Variants in TPO observed in about 807,000 individuals in gnomAD.
TPO encodes thyroid peroxidase.
Under a neutral mutation model 96.9 loss-of-function variants are expected in TPO, and 78 were observed. That is an observed-to-expected ratio of 0.81 (90% CI 0.67 to 0.97). The LOEUF is 0.97. TPO is among the 50% of genes least tolerant of loss of function. The pLI, the probability that TPO is intolerant of heterozygous loss-of-function variation, is 0.00. For missense variants in TPO, 1,252 were observed against 1,274.8 expected, an observed-to-expected ratio of 0.98 and a Z score of 0.27; for synonymous variants, 547 against 538.0, an observed-to-expected ratio of 1.02 and a Z score of -0.23.
intron 1 of TPO, among the ~76,000 whole-genome samples, chr2:1,375,578 G>A (rs369230573): frequency 5.3e-5 from 8 of 152,038 alleles, no homozygotes; most frequent in East Asian, 3.9e-4. Context: ...GTGAATCCAC[G>A]TTTTACACAC....
chr2:1,533,361 C>A (rs10166153), intron 15 of TPO, among the ~76,000 whole-genome samples: 16,543 of 116,044 alleles, frequency 0.14, 874 homozygotes, highest in African/African-American at 0.16. Flanking sequence ...TCCCAAATCC[C>A]CCCACTGTGT....
chr2:1,481,075 A>C (rs1293572940), intron 8 of TPO, among the ~76,000 whole-genome samples: 1 of 151,872 alleles, frequency 6.6e-6, no homozygotes, highest in Non-Finnish European at 1.5e-5. Flanking sequence ...GGGCTGATAA[A>C]GTTGCTCTTG....
intron 7 of TPO, among the ~76,000 whole-genome samples, chr2:1,460,112 T>C (rs1057444142): frequency 2.0e-5 from 3 of 152,082 alleles, no homozygotes; most frequent in African/African-American, 7.2e-5. Context: ...ATTTTTCTAT[T>C]TTTAATAGAG....
At chr2:1,474,002 CTTATT>C (rs1049652967) in intron 7 of TPO, among the ~76,000 whole-genome samples, 24 of 152,048 alleles carry the variant, frequency 1.6e-4, no homozygotes, top group African/African-American at 5.6e-4. Flanking sequence ...TTTACCAGCT[CTTATT>C]TTATTTTCTA....
At chr2:1,409,588 G>A (rs192497336), upstream of TPO, among the ~76,000 whole-genome samples, 25 of 152,198 alleles carry the variant, frequency 1.6e-4, no homozygotes, top group African/African-American at 4.8e-4. Context: ...GGGAGTGGAC[G>A]TGGATCCAAT....
chr2:1,382,960 G>C (rs1164508185), intron 1 of TPO, among the ~76,000 whole-genome samples: 1 of 144,232 alleles, frequency 6.9e-6, no homozygotes, highest in Non-Finnish European at 1.5e-5. Flanking sequence ...CCACCTATGA[G>C]TGAGAACATA....
chr2:1,418,886 T>C (rs1289103118), intron 2 of TPO, among the ~76,000 whole-genome samples: 2 of 152,170 alleles, frequency 1.3e-5, no homozygotes, highest in African/African-American at 4.8e-5. Context: ...ACAGCAAGGA[T>C]TAAAGTAAGA....
intron 8 of TPO, chr2:1,478,390 C>T (rs1428908327): frequency 1.0e-6 from 1 of 985,016 alleles, no homozygotes; most frequent in Admixed American, 6.2e-5. Context: ...GCAGTCCTAG[C>T]CGGGAGCCTG....
intron 8 of TPO, among the ~76,000 whole-genome samples, chr2:1,478,854 C>T (rs1264631242): frequency 6.6e-6 from 1 of 151,310 alleles, no homozygotes; most frequent in African/African-American, 2.5e-5. Context: ...CGCATCCACA[C>T]AGCAAACACA....
chr2:1,525,303 TC>T (rs201551954), intron 15 of TPO, among the ~76,000 whole-genome samples: 37,555 of 103,472 alleles, frequency 0.36, 6,955 homozygotes, highest in South Asian at 0.42. Context: ...CCTCCTCAAA[TC>T]CCCCCCACTG....
rs1420552673 is a variant in TPO, at chr2:1,532,179, TGC to T, written c.2619-8412_2619-8411del. Reference sequence around the variant, plus strand: ...CAACCTACACAAATGCCCCCCACAGTGCGCAACCTCCTCAAATCCCCCACCAC... The same window carrying T: ...CAACCTACACAAATGCCCCCCACAGTGCAACCTCCTCAAATCCCCCACCAC... On this transcript the variant is annotated intron_variant, in intron 15 of 16. Coordinates refer to ENST00000329066, the MANE Select transcript of TPO (RefSeq NM_001206744.2). Among the ~76,000 whole-genome samples the T allele has an allele frequency of 8.5e-3, 757 of 89,244 alleles. 73 individuals are homozygous for T. The highest frequency in any genetic ancestry group is 0.011 in the Admixed American group (72 of 6,444). 58.5% of individuals were successfully genotyped at this position (89,244 alleles called of 152,430 possible). A position where few individuals can be genotyped will look rare whatever the true frequency, so the allele number is the denominator to read the frequency against.
At chr2:1,395,937 T>A (rs956437456) in intron 1 of TPO, among the ~76,000 whole-genome samples, 3 of 152,372 alleles carry the variant, frequency 2.0e-5, no homozygotes, top group Admixed American at 1.3e-4. Flanking sequence ...TGTGAGTCCA[T>A]TAAACCTCTT....
intron 1 of TPO, among the ~76,000 whole-genome samples, chr2:1,380,393 CAAAAA>C (rs35109677): frequency 1.1e-5 from 1 of 94,972 alleles, no homozygotes. Context: ...GACTCTGTCT[CAAAAA>C]AAAAAAAAAA....
At position 1,543,371 on chromosome 2, in the gene TPO, A is replaced by G. The variant is rs1196707542; in HGVS notation, c.*897A>G. 1 of 152,230 alleles carries G rather than the reference A, an allele frequency of 6.6e-6. No individual in the cohort carries two copies. Among genetic ancestry groups the G allele is most frequent in the Admixed American group, 6.5e-5 (1 of 15,280 alleles). The allele number at this position is 152,230 out of a possible 1,614,324, so 9.4% of individuals were successfully genotyped here. ...CTGACCTGGAGTTCTACCTGCACTA[A>G]GAGAAGAGAGTGGTAACTAATTCAT... On this transcript the variant is annotated 3_prime_UTR_variant, in exon 17 of 17. Transcript: ENST00000329066.
At chr2:1,494,180 C>G in intron 11 of TPO, 141 bp downstream of exon 11, 1 of 879,302 alleles carries the variant, frequency 1.1e-6, no homozygotes, top group Non-Finnish European at 1.9e-6. Flanking sequence ...GGTTGTTTCT[C>G]CCACCCACAG....
chr2:1,427,555 A>T (rs1405304845), intron 3 of TPO, among the ~76,000 whole-genome samples: 1 of 152,182 alleles, frequency 6.6e-6, no homozygotes, highest in African/African-American at 2.4e-5. Flanking sequence ...CACCATGGCA[A>T]AGAGCGGGCA....
At chr2:1,535,726 T>C (rs1679487270) in intron 15 of TPO, among the ~76,000 whole-genome samples, 1 of 74,602 alleles carries the variant, frequency 1.3e-5, no homozygotes, top group South Asian at 6.9e-4. Context: ...ATCCACCCAG[T>C]GTGTGCAACC....
At position 1,453,336 on chromosome 2, in the gene TPO, G is replaced by A. The variant is rs28909406; in HGVS notation, c.483-358G>A. Among the ~76,000 whole-genome samples, 338 of 152,296 alleles carry A rather than the reference G, an allele frequency of 2.2e-3. 2 individuals are homozygous for A. Among genetic ancestry groups the A allele is most frequent in the Admixed American group, 9.7e-3 (148 of 15,302 alleles). The stretch of plus-strand genomic sequence containing the variant: ...ATTTCAAATGATCTCTTTGTTTGGA[G>A]TACCAGAAGTTTCTGTCCTCCAGAG... On this transcript the variant is annotated intron_variant, in intron 5 of 16. Transcript: ENST00000329066.
At chr2:1,446,118 A>G (rs1666787858) in intron 5 of TPO, among the ~76,000 whole-genome samples, 1 of 152,166 alleles carries the variant, frequency 6.6e-6, no homozygotes, top group South Asian at 2.1e-4. Flanking sequence ...CCCCCAGATG[A>G]GAAGCCCCCA....
Sources: gnomAD v4.1 joint callset for allele counts (sites outside exome capture counted in the v4.1 genomes callset) on GRCh38, gnomAD v4.1.1 for gene constraint, MANE v1.5 for transcripts, NCBI Gene and HGNC (gene_info 2026-07-23, HGNC 2026-07-21) for gene names.